The following PDE11A variants were observed in gnomAD, a reference collection of about 807,000 sequenced individuals.
PDE11A encodes the protein dual 3',5'-cyclic-AMP and -GMP phosphodiesterase 11A.
A neutral mutation model predicts 100.5 loss-of-function variants in PDE11A; 100 were observed. The observed-to-expected ratio is 1.00, with a 90% CI of 0.85 to 1.18. PDE11A has a LOEUF of 1.18. PDE11A is among the 50% of genes most tolerant of loss of function. PDE11A has a pLI of 0.00. For synonymous variants in PDE11A, 381 were observed against 420.8 expected, an observed-to-expected ratio of 0.91 and a Z score of 1.16; for missense variants, 1,141 against 1,152.6, an observed-to-expected ratio of 0.99 and a Z score of 0.15.
chr2:178,085,481 A>G (rs2105880883), intron 2 of PDE11A, among the ~76,000 whole-genome samples: 1 of 152,288 alleles, frequency 6.6e-6, no homozygotes, highest in South Asian at 2.1e-4. Flanking sequence ...GCATCAAACA[A>G]TATTCCCATG....
chr2:177,716,979 G>A (rs1017413304), intron 12 of PDE11A, among the ~76,000 whole-genome samples: 2 of 152,064 alleles, frequency 1.3e-5, no homozygotes, highest in East Asian at 1.9e-4. Flanking sequence ...CAGAAATCTA[G>A]CATCTTGGTC....
intron 2 of PDE11A, among the ~76,000 whole-genome samples, chr2:178,097,181 C>T (rs945168916): frequency 2.0e-5 from 3 of 152,180 alleles, no homozygotes; most frequent in Non-Finnish European, 2.9e-5. Flanking sequence ...CCACCGTGCT[C>T]GGCCATCTCT....
At chr2:178,075,517 A>T (rs2087195999), upstream of PDE11A, among the ~76,000 whole-genome samples, 1 of 137,264 alleles carries the variant, frequency 7.3e-6, no homozygotes, top group African/African-American at 2.8e-5. Context: ...GCACCACTGC[A>T]CTCCAGCCTG....
chr2:177,741,390 C>G lies in PDE11A; in HGVS notation c.1789-13218G>C, dbSNP rs369675573. Among the ~76,000 whole-genome samples, 4 of 152,290 alleles carry G rather than the reference C, an allele frequency of 2.6e-5. No homozygotes were observed. The East Asian group carries it at 7.7e-4, about 29-fold the overall frequency. Reference sequence around the variant, plus strand: ...AGCCTTAATGACCTCTTTAAAACCCCTATCTCCAAATACAGTCACGTTCTA... The same window carrying G: ...AGCCTTAATGACCTCTTTAAAACCCGTATCTCCAAATACAGTCACGTTCTA... On this transcript the variant is annotated intron_variant, in intron 10 of 19. Transcript: ENST00000286063.
intron 1 of PDE11A, among the ~76,000 whole-genome samples, chr2:178,025,109 A>G (rs1292516063): frequency 6.6e-6 from 1 of 152,222 alleles, no homozygotes; most frequent in Non-Finnish European, 1.5e-5. Flanking sequence ...GTATTTGCAG[A>G]ATTTCATTGC....
At chr2:177,926,997 T>A (rs1319625853) in intron 2 of PDE11A, 3 of 152,226 alleles carry the variant, frequency 2.0e-5, no homozygotes, top group Non-Finnish European at 4.4e-5. Flanking sequence ...CCAGATCTGA[T>A]CATGTAGTCT....
At chr2:178,091,043 T>C (rs75963701) in intron 2 of PDE11A, among the ~76,000 whole-genome samples, 2,354 of 152,276 alleles carry the variant, frequency 0.015, 58 homozygotes, top group African/African-American at 0.054. Context: ...GACATCTTCA[T>C]AGAAGGTATA....
At chr2:178,095,049 C>T (rs1203578005) in intron 2 of PDE11A, among the ~76,000 whole-genome samples, 1 of 152,102 alleles carries the variant, frequency 6.6e-6, no homozygotes, top group Non-Finnish European at 1.5e-5. Context: ...TCATTCCACC[C>T]CTGACCCCTT....
chr2:177,631,573 GTATATATATATACACACACATATATA>G (rs59960578), intron 19 of PDE11A, among the ~76,000 whole-genome samples: 2,274 of 19,694 alleles, frequency 0.12, 102 homozygotes, highest in Middle Eastern at 0.3. Context: ...ATATATACAT[GTATATATATATACACACACATATATA>G]TGTGTGTATA....
intron 1 of PDE11A, among the ~76,000 whole-genome samples, chr2:178,063,465 T>G (rs939072485): frequency 1.3e-5 from 2 of 152,060 alleles, no homozygotes; most frequent in African/African-American, 4.8e-5. Context: ...CAGGGCCGCA[T>G]AGGGAAAGGC....
chr2:177,825,522 C>G (rs1056182330), intron 6 of PDE11A, among the ~76,000 whole-genome samples: 10 of 152,144 alleles, frequency 6.6e-5, no homozygotes, highest in African/African-American at 1.2e-4. Flanking sequence ...TGTGCTAATC[C>G]AGGTTAGTTC....
At chr2:177,742,074 T>C (rs1300431947) in intron 10 of PDE11A, among the ~76,000 whole-genome samples, 2 of 151,174 alleles carry the variant, frequency 1.3e-5, no homozygotes, top group East Asian at 1.9e-4. Flanking sequence ...CAGAGGACTG[T>C]AACCTTGTCA....
chr2:177,791,840 T>A (rs1165041646), intron 9 of PDE11A, among the ~76,000 whole-genome samples: 1 of 152,238 alleles, frequency 6.6e-6, no homozygotes, highest in Non-Finnish European at 1.5e-5. Flanking sequence ...GGCTTATTTT[T>A]GTTCTATAAC....
At chr2:177,758,063 G>C (rs1057313755) in intron 10 of PDE11A, among the ~76,000 whole-genome samples, 4 of 151,542 alleles carry the variant, frequency 2.6e-5, no homozygotes, top group Non-Finnish European at 5.9e-5. Flanking sequence ...TTCGGAGGCC[G>C]AAGTGGGTGG....
At chr2:178,087,540 G>C (rs1318962945) in intron 2 of PDE11A, among the ~76,000 whole-genome samples, 1 of 152,066 alleles carries the variant, frequency 6.6e-6, no homozygotes, top group Non-Finnish European at 1.5e-5. Context: ...GTATTCACAT[G>C]GGCATAGACT....
At chr2:177,658,431 T>G (rs986628247) in intron 19 of PDE11A, among the ~76,000 whole-genome samples, 1 of 151,990 alleles carries the variant, frequency 6.6e-6, no homozygotes, top group African/African-American at 2.4e-5. Context: ...CCTTCCTTGC[T>G]TCTGTCTTTC....
intron 10 of PDE11A, among the ~76,000 whole-genome samples, chr2:177,735,298 T>C (rs138910146): frequency 6.6e-6 from 1 of 152,248 alleles, no homozygotes; most frequent in Non-Finnish European, 1.5e-5. Flanking sequence ...AAAAAAATGT[T>C]TAAAGGTCAT....
intron 2 of PDE11A, among the ~76,000 whole-genome samples, chr2:178,092,332 A>C (rs762018097): frequency 1.3e-5 from 2 of 152,200 alleles, no homozygotes; most frequent in Non-Finnish European, 2.9e-5. Flanking sequence ...AACAAAAGCG[A>C]GTTCAGAATC....
At chr2:177,650,803 G>T (rs1423775819) in intron 19 of PDE11A, among the ~76,000 whole-genome samples, 1 of 152,076 alleles carries the variant, frequency 6.6e-6, no homozygotes, top group Non-Finnish European at 1.5e-5. Flanking sequence ...ACCTTTCAGG[G>T]TTTTGCTTTC....
Sources: allele counts gnomAD v4.1 joint callset (sites outside exome capture counted in the v4.1 genomes callset), GRCh38; gene constraint gnomAD v4.1.1; transcripts MANE v1.5; gene names NCBI Gene and HGNC (gene_info 2026-07-23, HGNC 2026-07-21).